Variants in ERBIN observed in about 807,000 individuals in gnomAD.
ERBIN encodes the protein densin-180-like protein.
In ERBIN, 60 loss-of-function variants were observed where a neutral mutation model predicts 158.4. That is an observed-to-expected ratio of 0.38 (90% CI 0.31 to 0.47). The LOEUF (loss-of-function observed/expected upper bound fraction) is 0.47, where lower values mean the gene tolerates loss of function less well. Among genes scored for constraint, ERBIN ranks in the 20% least tolerant of loss-of-function variants. ERBIN has a pLI of 0.99. For missense variants in ERBIN, 1,610 were observed against 1,648.0 expected, an observed-to-expected ratio of 0.98 and a Z score of 0.40; for synonymous variants, 594 against 557.2, an observed-to-expected ratio of 1.07 and a Z score of -0.93.
At chr5:66,002,889 T>C (rs969152654) in intron 4 of ERBIN, among the ~76,000 whole-genome samples, 1 of 152,256 alleles carries the variant, frequency 6.6e-6, no homozygotes, top group Non-Finnish European at 1.5e-5. Flanking sequence ...AATAAATCAC[T>C]TTATTTAAGA....
chr5:65,992,988 G>T, intron 3 of ERBIN, 81 bp downstream of exon 3: 2 of 1,115,166 alleles, frequency 1.8e-6, no homozygotes, highest in Non-Finnish European at 2.4e-6. Flanking sequence ...TTGCTATAAA[G>T]TTGCCAATAT....
intron 7 of ERBIN, among the ~76,000 whole-genome samples, chr5:66,017,021 A>AC (rs1754818499): frequency 6.6e-6 from 1 of 152,076 alleles, no homozygotes. Flanking sequence ...AACCCATGTT[A>AC]CTGCAGGCAG....
intron 1 of ERBIN, among the ~76,000 whole-genome samples, chr5:65,977,763 G>T (rs1400764146): frequency 1.3e-5 from 2 of 152,234 alleles, no homozygotes; most frequent in Non-Finnish European, 2.9e-5. Flanking sequence ...GTGGCGGCCG[G>T]GCAGAGGCTG....
chr5:66,015,156 G>A (rs1407030550), intron 7 of ERBIN, among the ~76,000 whole-genome samples: 1 of 152,074 alleles, frequency 6.6e-6, no homozygotes, highest in Non-Finnish European at 1.5e-5. Flanking sequence ...TTAGAAATGC[G>A]ATGATTGGTT....
chr5:65,989,684 A>C (rs1751662107), intron 2 of ERBIN, among the ~76,000 whole-genome samples: 1 of 152,180 alleles, frequency 6.6e-6, no homozygotes, highest in Non-Finnish European at 1.5e-5. Context: ...TGTTATCTTT[A>C]TATGTTTGGA....
intron 23 of ERBIN, chr5:66,076,114 T>C (rs1761965512): frequency 1.8e-6 from 1 of 546,938 alleles, no homozygotes; most frequent in African/African-American, 1.9e-5. Context: ...CTTTATATAA[T>C]CCCAGCTCTG....
intron 4 of ERBIN, among the ~76,000 whole-genome samples, chr5:66,005,270 A>T (rs1223510109): frequency 6.6e-6 from 1 of 152,144 alleles, no homozygotes; most frequent in African/African-American, 2.4e-5. Context: ...AGAGTCAAGG[A>T]TGCCCTCAGT....
At chr5:66,057,596 A>C (rs1443499162) in intron 21 of ERBIN, among the ~76,000 whole-genome samples, 1 of 152,100 alleles carries the variant, frequency 6.6e-6, no homozygotes, top group African/African-American at 2.4e-5. Context: ...ACATGTGCAC[A>C]ACGTGCAGGT....
chr5:65,990,791 C>T (rs1297589217), intron 2 of ERBIN, among the ~76,000 whole-genome samples: 3 of 150,928 alleles, frequency 2.0e-5, no homozygotes, highest in Non-Finnish European at 4.4e-5. Context: ...GACGGAGTCT[C>T]GCTGTGTTGC....
intron 1 of ERBIN, among the ~76,000 whole-genome samples, chr5:65,938,695 G>T (rs1359666696): frequency 6.6e-6 from 1 of 152,140 alleles, no homozygotes; most frequent in Non-Finnish European, 1.5e-5. Context: ...TGGGACTACA[G>T]GTGCACGCCA....
chr5:65,995,594 G>C (rs922012036), intron 4 of ERBIN, among the ~76,000 whole-genome samples: 7 of 152,126 alleles, frequency 4.6e-5, no homozygotes, highest in Admixed American at 1.3e-4. Context: ...ACATGGGAGT[G>C]TAAATATTTC....
At chr5:65,933,956 C>A (rs1457199678) in intron 1 of ERBIN, among the ~76,000 whole-genome samples, 1 of 152,034 alleles carries the variant, frequency 6.6e-6, no homozygotes, top group African/African-American at 2.4e-5. Flanking sequence ...AGTGCAGTGG[C>A]GTGATCTTGG....
intron 14 of ERBIN, among the ~76,000 whole-genome samples, chr5:66,028,888 A>C (rs573074951): frequency 1.3e-5 from 2 of 152,114 alleles, no homozygotes; most frequent in African/African-American, 4.8e-5. Flanking sequence ...AAGTGAAGAC[A>C]TGTGAAGTTT....
At chr5:65,958,653 AC>A (rs1437316611) in intron 1 of ERBIN, among the ~76,000 whole-genome samples, 1 of 125,796 alleles carries the variant, frequency 7.9e-6, no homozygotes, top group Non-Finnish European at 1.7e-5. Flanking sequence ...AGAGAGGGAG[AC>A]CGTGAGGGAG....
intron 1 of ERBIN, among the ~76,000 whole-genome samples, chr5:65,981,584 A>G (rs758586259): frequency 3.8e-4 from 58 of 152,320 alleles, no homozygotes; most frequent in Non-Finnish European, 4.3e-4. Context: ...TACAGATTCT[A>G]TAGCTGTTAA....
chr5:66,062,225 G>A (rs1045197516), intron 21 of ERBIN, among the ~76,000 whole-genome samples: 52 of 152,238 alleles, frequency 3.4e-4, no homozygotes, highest in Middle Eastern at 6.8e-3. Flanking sequence ...ATATTTCTTG[G>A]AGGCTTTGTT....
intron 14 of ERBIN, 23 bp from the exon 15 acceptor site, chr5:66,038,360 A>C: frequency 6.7e-7 from 1 of 1,493,200 alleles, no homozygotes; most frequent in Non-Finnish European, 9.3e-7. Flanking sequence ...ATTGAAAATT[A>C]AGCATTTATT....
intron 2 of ERBIN, among the ~76,000 whole-genome samples, chr5:65,990,998 T>C (rs148339798): frequency 0.042 from 6,441 of 152,202 alleles, 468 homozygotes; most frequent in African/African-American, 0.15. Flanking sequence ...TCTGGTGATC[T>C]GCCTGCCTTG....
intron 1 of ERBIN, among the ~76,000 whole-genome samples, chr5:65,958,875 G>A (rs1747600280): frequency 6.6e-6 from 1 of 152,156 alleles, no homozygotes; most frequent in Admixed American, 6.5e-5. Context: ...TAATGTAAGT[G>A]TTCTGAGCAT....
Sources: gnomAD v4.1 joint callset for allele counts (sites outside exome capture counted in the v4.1 genomes callset) on GRCh38, gnomAD v4.1.1 for gene constraint, MANE v1.5 for transcripts, NCBI Gene and HGNC (gene_info 2026-07-23, HGNC 2026-07-21) for gene names.